FOLH1: variants seen among roughly 807,000 people sequenced by gnomAD.
FOLH1 encodes the protein glutamate carboxypeptidase 2.
A neutral mutation model predicts 93.9 loss-of-function variants in FOLH1; 54 were observed. The observed-to-expected ratio is 0.57, with a 90% CI of 0.46 to 0.72. The LOEUF is 0.72. Ranked by LOEUF, FOLH1 falls within the 30% of genes least tolerant of loss-of-function variation. The pLI, the probability that FOLH1 is intolerant of heterozygous loss-of-function variation, is 0.00. For missense variants in FOLH1, 571 were observed against 892.5 expected (o/e 0.64, Z 4.59); for synonymous variants, 249 against 303.6 (o/e 0.82, Z 1.87).
At chr11:49,172,873 G>C (rs746992123) in intron 10 of FOLH1, among the ~76,000 whole-genome samples, 109 of 152,296 alleles carry the variant, frequency 7.2e-4, no homozygotes, top group Non-Finnish European at 7.4e-4. Context: ...CTCAGGATGT[G>C]AGAACACAGA....
chr11:49,182,942 C>A (rs2135175818), intron 7 of FOLH1, among the ~76,000 whole-genome samples: 1 of 152,216 alleles, frequency 6.6e-6, no homozygotes, highest in Non-Finnish European at 1.5e-5. Context: ...CTGAAAGGTT[C>A]ATTTTCATGG....
intron 3 of FOLH1, among the ~76,000 whole-genome samples, chr11:49,197,384 C>A (rs1862736322): frequency 6.6e-6 from 1 of 152,128 alleles, no homozygotes; most frequent in Non-Finnish European, 1.5e-5. Flanking sequence ...GTATTTTTTA[C>A]TTTCCAAAAT....
chr11:49,152,386 A>C (rs563908764), intron 17 of FOLH1, among the ~76,000 whole-genome samples: 2 of 152,296 alleles, frequency 1.3e-5, no homozygotes, highest in East Asian at 3.9e-4. Flanking sequence ...AAAGGCTAAA[A>C]TAATTCATAA....
chr11:49,168,421 T>C (rs866407052), intron 12 of FOLH1, among the ~76,000 whole-genome samples: 32 of 152,300 alleles, frequency 2.1e-4, no homozygotes, highest in Non-Finnish European at 3.4e-4. Flanking sequence ...AGATTTCCTT[T>C]AGTTTGGTCC....
At chr11:49,188,948 T>C (rs1393520673) in intron 4 of FOLH1, among the ~76,000 whole-genome samples, 1 of 152,238 alleles carries the variant, frequency 6.6e-6, no homozygotes, top group Non-Finnish European at 1.5e-5. Flanking sequence ...TTGTAAACCA[T>C]TTGAATTGCT....
chr11:49,163,710 C>T (rs1318131283), intron 13 of FOLH1, among the ~76,000 whole-genome samples: 1 of 151,888 alleles, frequency 6.6e-6, no homozygotes, highest in Admixed American at 6.6e-5. Context: ...GTTGCAGTTA[C>T]TTTTGCCATG....
chr11:49,156,583 A>G (rs921548110), intron 15 of FOLH1, 134 bp downstream of exon 15: 112 of 974,458 alleles, frequency 1.1e-4, no homozygotes, highest in Non-Finnish European at 1.7e-4. Context: ...TGATACTGTC[A>G]ACCATTGAGA....
At chr11:49,189,323 T>C (rs1861764624) in intron 4 of FOLH1, among the ~76,000 whole-genome samples, 1 of 152,216 alleles carries the variant, frequency 6.6e-6, no homozygotes, top group Non-Finnish European at 1.5e-5. Context: ...ATTTTGGTTA[T>C]TGTTTTCCTT....
chr11:49,175,483 C>G (rs1448345494), intron 8 of FOLH1, among the ~76,000 whole-genome samples: 1 of 152,166 alleles, frequency 6.6e-6, no homozygotes, highest in Non-Finnish European at 1.5e-5. Flanking sequence ...TGTCTTCCTT[C>G]TGCAGGAGCT....
chr11:49,155,747 G>T (rs1856930289), intron 15 of FOLH1, among the ~76,000 whole-genome samples: 1 of 130,902 alleles, frequency 7.6e-6, no homozygotes, highest in Non-Finnish European at 1.6e-5. Context: ...AAAACTACTT[G>T]ACATTTTATA....
In FOLH1 at chr11:49,145,851, T is replaced by C. The variant is rs1590383263; in HGVS notation, c.*905A>G. ...TTTCTCTGTCTTGATGGACCCTGAA[T>C]CCTACCCTCATGTGAATGAATGCTC... On this transcript the variant is annotated 3_prime_UTR_variant, in exon 19 of 19. Transcript: ENST00000256999. 6.6e-6 allele frequency among the ~76,000 whole-genome samples: 1 copy of C among 152,142 alleles called. No individual in the cohort carries two copies. Among genetic ancestry groups the C allele is most frequent in the South Asian group, 2.1e-4 (1 of 4,830 alleles).
intron 17 of FOLH1, among the ~76,000 whole-genome samples, chr11:49,152,477 A>G (rs1419931046): frequency 6.6e-6 from 1 of 152,188 alleles, no homozygotes; most frequent in Non-Finnish European, 1.5e-5. Context: ...AATTGTTATT[A>G]ATGTGTTATA....
chr11:49,185,946 C>T (rs1355657235), intron 5 of FOLH1, 91 bp from the exon 6 acceptor site: 18 of 1,398,522 alleles, frequency 1.3e-5, no homozygotes, highest in Non-Finnish European at 6.6e-6. Flanking sequence ...TAAATGAGTA[C>T]CAGAACTTTA....
chr11:49,195,969 C>A (rs1862574206), intron 3 of FOLH1, among the ~76,000 whole-genome samples: 1 of 152,160 alleles, frequency 6.6e-6, no homozygotes, highest in Non-Finnish European at 1.5e-5. Flanking sequence ...GCCTGGCCAA[C>A]ATAGTGGAAC....
Position 49,174,943 on chromosome 11 carries a change from C to T in FOLH1, c.1054G>A (p.Val352Met). Residue 352 changes from valine (V) to methionine (M), a missense_variant, in exon 9 of 19, where the codon GTG becomes ATG. Coordinates refer to ENST00000256999, the MANE Select transcript of FOLH1 (RefSeq NM_004476.3). Reference sequence around the variant, plus strand: ...CCTATCACATTGTAAATTCTTGTCACTTCATTGGTAGAGTGGATGTGCATC... The same window carrying T: ...CCTATCACATTGTAAATTCTTGTCATTTCATTGGTAGAGTGGATGTGCATC... ...VKMHIHSTNEVTRIYNVIGTL... is the reference protein window; with the variant it reads ...VKMHIHSTNEMTRIYNVIGTL... 1.2e-6 allele frequency: 2 copies of T among 1,610,600 alleles called. No individual in the cohort carries two copies. Among genetic ancestry groups the T allele is most frequent in the South Asian group, 2.2e-5 (2 of 90,644 alleles).
chr11:49,170,953 A>G (rs1022893718), intron 11 of FOLH1, among the ~76,000 whole-genome samples: 1 of 152,208 alleles, frequency 6.6e-6, no homozygotes, highest in Non-Finnish European at 1.5e-5. Context: ...CCAGGAAATA[A>G]AGATAAATTA....
At chr11:49,159,370 C>T (rs533100338) in intron 13 of FOLH1, among the ~76,000 whole-genome samples, 1 of 152,234 alleles carries the variant, frequency 6.6e-6, no homozygotes, top group African/African-American at 2.4e-5. Flanking sequence ...AAGCTTTTTT[C>T]TGCATTTATT....
intron 2 of FOLH1, among the ~76,000 whole-genome samples, chr11:49,203,613 C>CT (rs1238478696): frequency 6.6e-6 from 1 of 152,160 alleles, no homozygotes; most frequent in Admixed American, 6.5e-5. Flanking sequence ...CTTTCAATTT[C>CT]TTTCTTTTGT....
Position 49,146,748 on chromosome 11 carries a change from G to A in FOLH1, c.*8C>T, listed in dbSNP as rs595139. 233,380 of 1,593,972 alleles carry A rather than the reference G, an allele frequency of 0.15. 18,358 individuals carry two copies. Among genetic ancestry groups the A allele is most frequent in the African/African-American group, 0.27 (20,219 of 74,202 alleles). On this transcript the variant is annotated 3_prime_UTR_variant, in exon 19 of 19. Coordinates refer to ENST00000256999, the MANE Select transcript of FOLH1 (RefSeq NM_004476.3). ...ACAAATTCAATACGGATTCTCTAAA[G>A]AATCCTCTTAGGCTACTTCACTCAA...
Sources: gnomAD v4.1 joint callset for allele counts (sites outside exome capture counted in the v4.1 genomes callset) on GRCh38, gnomAD v4.1.1 for gene constraint, MANE v1.5 for transcripts, NCBI Gene and HGNC (gene_info 2026-07-23, HGNC 2026-07-21) for gene names.